Variants in NPHP1 observed in about 807,000 individuals in gnomAD.
NPHP1 encodes nephrocystin 1.
In NPHP1, 70 loss-of-function variants were observed where a neutral mutation model predicts 90.4. That is an observed-to-expected ratio of 0.77 (90% confidence interval 0.64 to 0.95). The LOEUF is 0.95. NPHP1 is among the 40% of genes least tolerant of loss of function. The probability of loss-of-function intolerance (pLI) is 0.00; values close to 1 mark genes in which losing one functional copy is unlikely to be tolerated. For missense variants in NPHP1, 764 were observed against 795.9 expected (o/e 0.96, Z 0.48); for synonymous variants, 256 against 271.7 (o/e 0.94, Z 0.57).
intron 2 of NPHP1, among the ~76,000 whole-genome samples, chr2:110,185,854 T>C (rs1433761502): frequency 6.6e-6 from 1 of 152,180 alleles, no homozygotes; most frequent in Non-Finnish European, 1.5e-5. Flanking sequence ...CCTGAATGGC[T>C]GCAGAGATAA....
At chr2:110,175,793 C>A (rs1053420961) in intron 4 of NPHP1, among the ~76,000 whole-genome samples, 4 of 145,890 alleles carry the variant, frequency 2.7e-5, no homozygotes, top group Non-Finnish European at 5.9e-5. Context: ...TTAAATATTT[C>A]TTGTGCTTCA....
intron 11 of NPHP1, among the ~76,000 whole-genome samples, chr2:110,153,152 TG>T (rs918263479): frequency 5.3e-5 from 8 of 152,222 alleles, no homozygotes; most frequent in African/African-American, 1.7e-4. Flanking sequence ...CAGAAGGAAA[TG>T]ACACAATAGT....
chr2:110,161,951 C>G (rs181603313), intron 9 of NPHP1, among the ~76,000 whole-genome samples: 10 of 152,168 alleles, frequency 6.6e-5, no homozygotes, highest in African/African-American at 9.6e-5. Flanking sequence ...ATAATATGCC[C>G]CATGATGACA....
chr2:110,185,079 A>G (rs2018711), intron 2 of NPHP1: 230,431 of 585,424 alleles, frequency 0.39, 49,736 homozygotes, highest in African/African-American at 0.62. Context: ...ACGTGGATTG[A>G]GGGCTCTATC....
At chr2:110,192,605 T>G (rs577839358) in intron 2 of NPHP1, among the ~76,000 whole-genome samples, 34 of 152,262 alleles carry the variant, frequency 2.2e-4, no homozygotes, top group Non-Finnish European at 4.4e-4. Context: ...CCAGGAGAAC[T>G]TCCCCAATCT....
chr2:110,157,724 C>T (rs1682015538), intron 11 of NPHP1, among the ~76,000 whole-genome samples: 1 of 152,074 alleles, frequency 6.6e-6, no homozygotes, highest in African/African-American at 2.4e-5. Context: ...CTCTCATCTC[C>T]ACCTCCACCT....
intron 18 of NPHP1, chr2:110,128,867 T>C (rs560800566): frequency 4.0e-5 from 14 of 353,984 alleles, no homozygotes; most frequent in Admixed American, 8.6e-5. Flanking sequence ...GCAAATTCAA[T>C]TGATTTATCT....
intron 4 of NPHP1, among the ~76,000 whole-genome samples, chr2:110,172,767 A>G (rs1683230706): frequency 6.6e-6 from 1 of 152,040 alleles, no homozygotes; most frequent in African/African-American, 2.4e-5. Flanking sequence ...TGGGTAACGG[A>G]GACCCTGTCT....
At chr2:110,184,955 CT>C in intron 2 of NPHP1, 2 of 664,502 alleles carry the variant, frequency 3.0e-6, no homozygotes, top group Non-Finnish European at 2.9e-6. Context: ...GCAGTTCACA[CT>C]TTTCTCCAAC....
At chr2:110,135,267 A>G (rs1680086011) in intron 16 of NPHP1, among the ~76,000 whole-genome samples, 1 of 151,962 alleles carries the variant, frequency 6.6e-6, no homozygotes, top group Non-Finnish European at 1.5e-5. Flanking sequence ...AAACATGAAA[A>G]GTGAGTTCTT....
intron 16 of NPHP1, among the ~76,000 whole-genome samples, chr2:110,137,493 C>T (rs1000322287): frequency 1.3e-5 from 2 of 152,078 alleles, no homozygotes; most frequent in African/African-American, 4.8e-5. Flanking sequence ...AAACAAACAA[C>T]CCCATCAAAA....
At chr2:110,196,424 T>C (rs1685170550) in intron 2 of NPHP1, among the ~76,000 whole-genome samples, 2 of 152,252 alleles carry the variant, frequency 1.3e-5, no homozygotes, top group Admixed American at 1.3e-4. Flanking sequence ...TCACTGGCCA[T>C]CAGGGAAATG....
At chr2:110,173,173 G>A (rs1239030961) in intron 4 of NPHP1, among the ~76,000 whole-genome samples, 2 of 151,954 alleles carry the variant, frequency 1.3e-5, no homozygotes, top group Non-Finnish European at 2.9e-5. Context: ...TGGCCAGATG[G>A]TCTCTATCTC....
chr2:110,128,112 C>G (rs1427653230), intron 18 of NPHP1: 1 of 151,968 alleles, frequency 6.6e-6, no homozygotes, highest in Non-Finnish European at 1.5e-5. Flanking sequence ...ATTGACACCC[C>G]CCAACCCAGC....
chr2:110,171,608 C>A (rs1683133294), intron 4 of NPHP1, among the ~76,000 whole-genome samples: 1 of 152,094 alleles, frequency 6.6e-6, no homozygotes, highest in Admixed American at 6.5e-5. Flanking sequence ...CTCTTTCCTT[C>A]TTTAGGAGAT....
intron 9 of NPHP1, among the ~76,000 whole-genome samples, chr2:110,162,412 G>A (rs1329617672): frequency 6.6e-6 from 1 of 152,010 alleles, no homozygotes; most frequent in Non-Finnish European, 1.5e-5. Flanking sequence ...ATGAAAAGAT[G>A]GGAATTTAGG....
chr2:110,190,223 C>T (rs1036957949), intron 2 of NPHP1, among the ~76,000 whole-genome samples: 3 of 152,200 alleles, frequency 2.0e-5, no homozygotes, highest in Non-Finnish European at 2.9e-5. Flanking sequence ...AGTCCCACAC[C>T]GTGCGCCCGC....
intron 2 of NPHP1, among the ~76,000 whole-genome samples, chr2:110,192,337 G>A (rs1036747391): frequency 5.9e-5 from 9 of 152,252 alleles, no homozygotes; most frequent in Non-Finnish European, 1.0e-4. Flanking sequence ...TGAAAACCAT[G>A]GCACAAGAAC....
In NPHP1 at chr2:110,147,988, G is replaced by C; in HGVS notation, c.1197C>G (p.Cys399Trp). 1.2e-6 allele frequency: 2 copies of C among 1,610,978 alleles called. No individual in the cohort carries two copies. The highest frequency in any genetic ancestry group is 1.7e-6 in the Non-Finnish European group (2 of 1,177,142). Reference protein sequence around the residue: ...RILPCLLDGDCFIRSNSASPD... With the variant: ...RILPCLLDGDWFIRSNSASPD... Reference sequence around the variant, plus strand: ...GAGATGCAGAATTAGACCTGATAAAGCAATCACCATCAAGCAAACATGGTA... The same window carrying C: ...GAGATGCAGAATTAGACCTGATAAACCAATCACCATCAAGCAAACATGGTA... The change falls in exon 13 of 20, where the codon TGC becomes TGG. Residue 399 changes from cysteine to tryptophan, a missense_variant. Physicochemically the swap from Cys to Trp is radical, Grantham distance 215. Coordinates refer to ENST00000445609, the MANE Select transcript of NPHP1 (RefSeq NM_001128178.3).
Sources: gnomAD v4.1 joint callset for allele counts (sites outside exome capture counted in the v4.1 genomes callset) on GRCh38, gnomAD v4.1.1 for gene constraint, MANE v1.5 for transcripts, NCBI Gene and HGNC (gene_info 2026-07-23, HGNC 2026-07-21) for gene names.